The following CERCAM variants were observed in gnomAD, a reference collection of about 807,000 sequenced individuals.
CERCAM encodes cerebral endothelial cell adhesion molecule.
In CERCAM, 59 loss-of-function variants were observed where a neutral mutation model predicts 66.0. The ratio of observed to expected loss-of-function variants is 0.89; its 90% CI spans 0.73 to 1.11. CERCAM has a LOEUF of 1.11. Ranked by LOEUF, CERCAM falls within the 50% of genes most tolerant of loss-of-function variation. The pLI is 0.00. For synonymous variants in CERCAM, 318 were observed against 343.6 expected (o/e 0.93, Z 0.83); for missense variants, 840 against 828.3 (o/e 1.01, Z -0.17).
rs1416241164 is a variant in CERCAM at position 128,423,197 on chromosome 9, G to A, written c.360G>A (p.Gln120=). 6.2e-7 allele frequency: 1 copy of A among 1,614,152 alleles called. No individual in the cohort carries two copies. Among genetic ancestry groups the A allele is most frequent in the South Asian group, 1.1e-5 (1 of 91,088 alleles). The change falls in exon 3 of 13, where the codon CAG becomes CAA. Residue 120 remains glutamine (Q), a synonymous_variant. Coordinates refer to ENST00000372838, the MANE Select transcript of CERCAM (RefSeq NM_016174.5). Reference sequence around the variant, plus strand: ...AGCACTGGACCAAAGAAAGGCACCAGTTTCTGATGGAGCTGAAGCAGGAAG... The same window carrying A: ...AGCACTGGACCAAAGAAAGGCACCAATTTCTGATGGAGCTGAAGCAGGAAG... ...GPKHWTKERH[Q]FLMELKQEAL...
chr9:128,419,703 C>G (rs1833664391), upstream of CERCAM: 1 of 152,226 alleles, frequency 6.6e-6, no homozygotes, highest in South Asian at 2.1e-4. Flanking sequence ...TCCCGAGAGG[C>G]TGCAGAGTTC....
Position 128,428,198 on chromosome 9 carries a change from A to G in CERCAM, c.767-104A>G, listed in dbSNP as rs189452314. ...AGGTGGGGAAACTGAGTCCCAGAGAAGACTGACATGTTGGGTCACTGGCAG... is the reference window on the plus strand; with the variant it reads ...AGGTGGGGAAACTGAGTCCCAGAGAGGACTGACATGTTGGGTCACTGGCAG... On this transcript the variant is annotated intron_variant, in intron 5 of 12. Transcript: ENST00000372838. 113 of 1,355,470 alleles carry G rather than the reference A, an allele frequency of 8.3e-5. No individual in the cohort carries two copies. The East Asian group carries it at 9.9e-4, about 12-fold the overall frequency. 84.0% of individuals were successfully genotyped at this position (1,355,470 alleles called of 1,614,324 possible). A position where few individuals can be genotyped will look rare whatever the true frequency, so the allele number is the denominator to read the frequency against.
In CERCAM at chr9:128,431,223, T is replaced by C. The variant is rs568590861; in HGVS notation, c.1123T>C (p.Tyr375His). ...RNLGVDLLPGYQDPYSGRTLT... is the reference protein window; with the variant it reads ...RNLGVDLLPGHQDPYSGRTLT... Reference sequence around the variant, plus strand: ...CCTCGGCGTAGACCTGCTCCCGGGCTACCAGGACCCTTACTCGGGCCGCAC... The same window carrying C: ...CCTCGGCGTAGACCTGCTCCCGGGCCACCAGGACCCTTACTCGGGCCGCAC... The change falls in exon 9 of 13, where the codon TAC becomes CAC. Residue 375 changes from tyrosine to histidine, a missense_variant. Coordinates refer to ENST00000372838, the MANE Select transcript of CERCAM (RefSeq NM_016174.5). 2 of 1,614,028 alleles carry C rather than the reference T, an allele frequency of 1.2e-6. No individual in the cohort carries two copies. The highest frequency in any genetic ancestry group is 1.3e-5 in the African/African-American group (1 of 75,030).
rs181018747 is a variant in CERCAM at position 128,425,764 on chromosome 9, G to C, written c.766+1150G>C. On this transcript the variant is annotated intron_variant, in intron 5 of 12. Coordinates refer to ENST00000372838, the MANE Select transcript of CERCAM (RefSeq NM_016174.5). ...GACCTCAGGTGATCTGCCCGCCTCA[G>C]CCTCCCAAAGTGCTGAGATTACAGG... Among the ~76,000 whole-genome samples, 1,049 of 150,314 alleles carry C rather than the reference G, an allele frequency of 7.0e-3. 10 individuals are homozygous for C. The highest frequency in any genetic ancestry group is 0.024 in the African/African-American group (973 of 40,680).
intron 8 of CERCAM, among the ~76,000 whole-genome samples, chr9:128,430,327 A>C (rs1833945905): frequency 6.6e-6 from 1 of 152,166 alleles, no homozygotes; most frequent in South Asian, 2.1e-4. Context: ...GCTGGAACCC[A>C]GGAGGCAGAG....
At chr9:128,427,362 C>T (rs1358086066) in intron 5 of CERCAM, among the ~76,000 whole-genome samples, 1 of 152,084 alleles carries the variant, frequency 6.6e-6, no homozygotes, top group Non-Finnish European at 1.5e-5. Flanking sequence ...ATCTGCCTGC[C>T]TGGGCTTCCC....
rs750751766 is a variant in CERCAM, at chr9:128,434,271, C to T, written c.1331+42C>T. 3 of 1,610,420 alleles carry T rather than the reference C, an allele frequency of 1.9e-6. No homozygotes were observed. Among genetic ancestry groups the T allele is most frequent in the East Asian group, 2.2e-5 (1 of 44,816 alleles). ...CTCAGGGACAAGGGGGCAGGGTGGG[C>T]CTCCGGAGTCTGCCTTTTCCTGCTT... On this transcript the variant is annotated intron_variant, in intron 10 of 12. Coordinates refer to ENST00000372838, the MANE Select transcript of CERCAM (RefSeq NM_016174.5). The surrounding 1 kb of genome is among the most constrained non-coding windows in gnomAD (Gnocchi z 4.5).
Position 128,428,329 on chromosome 9 carries a change from A to G in CERCAM, c.794A>G (p.His265Arg). 1 of 1,614,054 alleles carries G rather than the reference A, an allele frequency of 6.2e-7. No homozygotes were observed. The highest frequency in any genetic ancestry group is 1.7e-5 in the Admixed American group (1 of 60,004). The change falls in exon 6 of 13, where the codon CAC becomes CGC. Residue 265 changes from histidine (H) to arginine (R), a missense_variant. By Grantham distance (29) the His-to-Arg change is conservative (BLOSUM62 0). Transcript: ENST00000372838. ...AGVSVHVCNE[H>R]RYGYMNVPVK... ...GTCTCCGTCCACGTGTGCAATGAGCACCGTTATGGGTACATGAATGTGCCG... is the reference window on the plus strand; with the variant it reads ...GTCTCCGTCCACGTGTGCAATGAGCGCCGTTATGGGTACATGAATGTGCCG...
intron 1 of CERCAM, 148 bp downstream of exon 1, chr9:128,421,222 G>A: frequency 1.6e-6 from 2 of 1,237,020 alleles, no homozygotes; most frequent in East Asian, 3.2e-5. Flanking sequence ...GCCAGCCCGA[G>A]CCGCCAGAGA....
At chr9:128,421,526 C>G in intron 1 of CERCAM, 4 of 987,518 alleles carry the variant, frequency 4.1e-6, no homozygotes, top group Non-Finnish European at 2.4e-6. Context: ...GGGGTGCCAT[C>G]AGCACTGGGC....
Position 128,434,545 on chromosome 9 carries a change from C to T in CERCAM, c.1467C>T (p.Ala489=), listed in dbSNP as rs1834062726. ...LRLAGARKLL[A]SQPLRRMLPV... ...TGGCGGGTGCCCGCAAGCTGCTGGC[C>T]TCACAGCCTCTGCGCCGCATGCTGC... The change falls in exon 11 of 13, where the codon GCC becomes GCT. Residue 489 remains alanine, a synonymous_variant. Coordinates refer to ENST00000372838, the MANE Select transcript of CERCAM (RefSeq NM_016174.5). This position sits in a 1 kb window ranked among gnomAD's most constrained non-coding sequence, Gnocchi z 4.5. 1 of 1,612,198 alleles carries T rather than the reference C, an allele frequency of 6.2e-7. No homozygotes were observed. The highest frequency in any genetic ancestry group is 1.3e-5 in the African/African-American group (1 of 74,932).
Position 128,434,390 on chromosome 9 carries a change from C to G in CERCAM, c.1332-20C>G. 6.2e-7 allele frequency: 1 copy of G among 1,611,950 alleles called. No homozygotes were observed. Among genetic ancestry groups the G allele is most frequent in the Non-Finnish European group, 8.5e-7 (1 of 1,178,470 alleles). On this transcript the variant is annotated intron_variant, in intron 10 of 12. Transcript: ENST00000372838. The surrounding 1 kb of genome is among the most constrained non-coding windows in gnomAD (Gnocchi z 4.5). ...ACCCAGGACCTAAGTGACTCCTGGG[C>G]CCCTTGGTGTCACTTACAGCTACCT...
chr9:128,428,005 C>T (rs529471969), intron 5 of CERCAM, among the ~76,000 whole-genome samples: 3 of 152,278 alleles, frequency 2.0e-5, no homozygotes, highest in African/African-American at 7.2e-5. Flanking sequence ...AGTTTGTCTG[C>T]TCCTGCCTCA....
In CERCAM at chr9:128,434,144, GA is replaced by G; in HGVS notation, c.1247del (p.Asp416AlafsTer15). On this transcript the variant is annotated frameshift_variant, in exon 10 of 13. Coordinates refer to ENST00000372838, the MANE Select transcript of CERCAM (RefSeq NM_016174.5). LOFTEE classifies it high-confidence loss of function. This position sits in a 1 kb window ranked among gnomAD's most constrained non-coding sequence, Gnocchi z 4.5. Reference protein sequence around the residue: ...GLARVLVFEDDVRFESNFRGR... With the variant: ...GLARVLVFEDXVRFESNFRGR... ...GGCCCGGGTCCTGGTGTTTGAGGAT[GA>G]CGTGCGCTTTGAGAGCAACTTCAGG... is the stretch of plus-strand genomic sequence containing the variant. The G allele has an allele frequency of 6.2e-7, 1 of 1,614,166 alleles. No individual in the cohort carries two copies.
chr9:128,422,925 G>A lies in CERCAM; in HGVS notation c.255G>A (p.Ala85=), dbSNP rs111622564. Residue 85 remains alanine (A), a synonymous_variant, in exon 2 of 13, where the codon GCG becomes GCA. Coordinates refer to ENST00000372838, the MANE Select transcript of CERCAM (RefSeq NM_016174.5). ...CAGAGATGCTGCAGGAGTGGCTGGCGGCTGTGGGCGATGACTATGCTGCTG... is the reference window on the plus strand; with the variant it reads ...CAGAGATGCTGCAGGAGTGGCTGGCAGCTGTGGGCGATGACTATGCTGCTG... ...NTTEMLQEWL[A]AVGDDYAAVV... The A allele has an allele frequency of 1.4e-4, 226 of 1,613,930 alleles. No homozygotes were observed. Among genetic ancestry groups the A allele is most frequent in the African/African-American group, 1.4e-3 (105 of 75,040 alleles).
intron 5 of CERCAM, among the ~76,000 whole-genome samples, chr9:128,425,394 C>A (rs11999892): frequency 0.051 from 7,761 of 151,986 alleles, 671 homozygotes; most frequent in African/African-American, 0.18. Context: ...TATGGCCAGG[C>A]AAGGTGACTC....
chr9:128,424,675 C>G, intron 5 of CERCAM, 61 bp downstream of exon 5: 1 of 1,481,818 alleles, frequency 6.7e-7, no homozygotes, highest in South Asian at 1.1e-5. Context: ...ACATGCTATT[C>G]CAGCTGCTTA....
In CERCAM at chr9:128,429,849, C is replaced by T. The variant is rs147854452; in HGVS notation, c.1070+813C>T. Among the ~76,000 whole-genome samples, 210 of 151,538 alleles carry T rather than the reference C, an allele frequency of 1.4e-3. 2 individuals are homozygous for T. Among genetic ancestry groups the T allele is most frequent in the African/African-American group, 4.7e-3 (192 of 41,280 alleles). On this transcript the variant is annotated intron_variant, in intron 8 of 12. Coordinates refer to ENST00000372838, the MANE Select transcript of CERCAM (RefSeq NM_016174.5). Reference sequence around the variant, plus strand: ...GTCGCCCAGGCCTGGAGTGCAGTGGCGCAATCTTGGCTCACTGCAACATCC... The same window carrying T: ...GTCGCCCAGGCCTGGAGTGCAGTGGTGCAATCTTGGCTCACTGCAACATCC...
At chr9:128,428,098 G>A (rs1171526735) in intron 5 of CERCAM, among the ~76,000 whole-genome samples, 1 of 152,154 alleles carries the variant, frequency 6.6e-6, no homozygotes, top group African/African-American at 2.4e-5. Context: ...CAGGTATATT[G>A]AATGAATGAA....
Sources: gnomAD v4.1 joint callset for allele counts (sites outside exome capture counted in the v4.1 genomes callset) on GRCh38, gnomAD v4.1.1 for gene constraint, Gnocchi (gnomAD v3.1) non-coding constraint, MANE v1.5 for transcripts, NCBI Gene and HGNC (gene_info 2026-07-23, HGNC 2026-07-21) for gene names.